Variants in ATOSA observed in about 807,000 individuals in gnomAD.
The protein encoded by ATOSA is atos homolog protein A.
At chr15:52,608,471 T>C in the ATOSA span, 11 of 1,226,378 alleles carry the variant, frequency 9.0e-6, no homozygotes, top group Admixed American at 2.6e-5. Context: ...CTATAGATAA[T>C]GGAACCTTGG....
At chr15:52,650,833 C>A in the ATOSA span, among the ~76,000 whole-genome samples, 127 of 152,286 alleles carry the variant, frequency 8.3e-4, no homozygotes, top group Middle Eastern at 0.01. Context: ...TAGCTCAATA[C>A]GGATCCTTCG....
chr15:52,666,243 A>G, the ATOSA span, among the ~76,000 whole-genome samples: 2 of 152,186 alleles, frequency 1.3e-5, no homozygotes, highest in African/African-American at 4.8e-5. Flanking sequence ...GGGAACCAAT[A>G]TATCTGAGGC....
the ATOSA span, among the ~76,000 whole-genome samples, chr15:52,697,324 CCTTGCTTCTGTAGCATGTTATACA>C: frequency 2.0e-5 from 3 of 152,196 alleles, no homozygotes; most frequent in Non-Finnish European, 4.4e-5. Context: ...TCTCCCTCAT[CCTTGCTTCTGTAGCATGTTATACA>C]CTGCTTTTCA....
chr15:52,695,054 A>G, the ATOSA span, among the ~76,000 whole-genome samples: 1 of 151,838 alleles, frequency 6.6e-6, no homozygotes, highest in Non-Finnish European at 1.5e-5. Flanking sequence ...CCTCCCAAGA[A>G]GCTGGGATTA....
chr15:52,628,066 G>A, the ATOSA span, among the ~76,000 whole-genome samples: 1 of 152,118 alleles, frequency 6.6e-6, no homozygotes, highest in Non-Finnish European at 1.5e-5. Context: ...AGAAAGGCAG[G>A]CTTAGTGACT....
the ATOSA span, among the ~76,000 whole-genome samples, chr15:52,667,230 A>G: frequency 6.6e-6 from 1 of 152,236 alleles, no homozygotes; most frequent in African/African-American, 2.4e-5. Context: ...CTTAAAAGCT[A>G]GAGGAAAAAT....
chr15:52,601,272 T>C, the ATOSA span: 1 of 664,782 alleles, frequency 1.5e-6, no homozygotes, highest in Non-Finnish European at 2.6e-6. Context: ...TTTGAAATAT[T>C]ACAACTTCTC....
chr15:52,687,097 G>C, the ATOSA span, among the ~76,000 whole-genome samples: 7 of 152,200 alleles, frequency 4.6e-5, no homozygotes, highest in East Asian at 1.3e-3. Flanking sequence ...ATCTAGAAGG[G>C]AGACAGTCAT....
At chr15:52,696,884 T>C in the ATOSA span, among the ~76,000 whole-genome samples, 1 of 151,754 alleles carries the variant, frequency 6.6e-6, no homozygotes, top group Non-Finnish European at 1.5e-5. Context: ...ATATAAATTA[T>C]ATTCTGGGGG....
the ATOSA span, among the ~76,000 whole-genome samples, chr15:52,591,588 T>C: frequency 3.3e-5 from 5 of 152,144 alleles, no homozygotes; most frequent in East Asian, 5.8e-4. Flanking sequence ...CATCCTCTAT[T>C]ACTATATGCC....
chr15:52,601,194 T>A, the ATOSA span: 4 of 1,289,134 alleles, frequency 3.1e-6, no homozygotes, highest in Admixed American at 3.1e-5. Flanking sequence ...TTTGTGATAT[T>A]AAAAAAAAAA....
At chr15:52,689,249 A>G in the ATOSA span, among the ~76,000 whole-genome samples, 1 of 152,040 alleles carries the variant, frequency 6.6e-6, no homozygotes, top group Non-Finnish European at 1.5e-5. Context: ...AAAACTAAAA[A>G]ATGTTCCTAG....
chr15:52,632,438 G>A, the ATOSA span, among the ~76,000 whole-genome samples: 1 of 152,124 alleles, frequency 6.6e-6, no homozygotes, highest in African/African-American at 2.4e-5. Context: ...AACTGTGATG[G>A]TGAAACAGTG....
At chr15:52,627,849 C>T in the ATOSA span, among the ~76,000 whole-genome samples, 28 of 152,214 alleles carry the variant, frequency 1.8e-4, no homozygotes, top group East Asian at 5.2e-3. Context: ...TTTATAATGC[C>T]ACTTAATAGC....
At chr15:52,591,195 A>G in the ATOSA span, among the ~76,000 whole-genome samples, 1 of 152,216 alleles carries the variant, frequency 6.6e-6, no homozygotes, top group Non-Finnish European at 1.5e-5. Flanking sequence ...CTAATGGCCA[A>G]CAGGGACTCT....
At chr15:52,602,640 C>G in the ATOSA span, among the ~76,000 whole-genome samples, 1 of 152,018 alleles carries the variant, frequency 6.6e-6, no homozygotes, top group African/African-American at 2.4e-5. Context: ...AATTCAGAAC[C>G]CCTACCATGT....
chr15:52,689,363 A>T, the ATOSA span, among the ~76,000 whole-genome samples: 1 of 152,114 alleles, frequency 6.6e-6, no homozygotes, highest in South Asian at 2.1e-4. Flanking sequence ...CTTCATCAGG[A>T]TGTACCATGA....
chr15:52,661,908 A>T, the ATOSA span, among the ~76,000 whole-genome samples: 2 of 139,208 alleles, frequency 1.4e-5, no homozygotes, highest in Non-Finnish European at 3.1e-5. Flanking sequence ...GAGTTATGCC[A>T]GCAGAAATCT....
chr15:52,610,207 T>G, the ATOSA span: 8 of 1,614,024 alleles, frequency 5.0e-6, no homozygotes, highest in Non-Finnish European at 6.8e-6. Context: ...TCTTTTCTCA[T>G]AAAGGCCAAT....
Sources: gnomAD v4.1 joint callset for allele counts (sites outside exome capture counted in the v4.1 genomes callset) on GRCh38, gnomAD v4.1.1 for gene constraint, MANE v1.5 for transcripts, NCBI Gene and HGNC (gene_info 2026-07-23, HGNC 2026-07-21) for gene names.